Variants in DMRT1 observed in about 807,000 individuals in gnomAD.
DMRT1 encodes the protein doublesex and mab-3 related transcription factor 1, also known as doublesex- and mab-3-related transcription factor 1.
DMRT1 carries 7 observed loss-of-function variants against 32.3 expected under a neutral mutation model. The observed-to-expected ratio is 0.22, with a 90% confidence interval of 0.12 to 0.41. The LOEUF is 0.41. Among genes scored for constraint, DMRT1 ranks in the 10% least tolerant of loss-of-function variants. The pLI is 1.00. For synonymous variants in DMRT1, 278 were observed against 206.1 expected (o/e 1.35, Z -2.99); for missense variants, 625 against 500.5 (o/e 1.25, Z -2.37).
intron 3 of DMRT1, among the ~76,000 whole-genome samples, chr9:905,067 C>T (rs928150321): frequency 2.6e-5 from 4 of 152,160 alleles, no homozygotes; most frequent in African/African-American, 9.7e-5. Flanking sequence ...AGGGTGGGGA[C>T]AAGTGTTTGA....
At chr9:904,871 G>A (rs776732953) in intron 3 of DMRT1, among the ~76,000 whole-genome samples, 1 of 152,052 alleles carries the variant, frequency 6.6e-6, no homozygotes, top group East Asian at 1.9e-4. Context: ...GGACCAGGGA[G>A]GCGTAGGTTG....
chr9:846,875 G>C, intron 1 of DMRT1, 85 bp from the exon 2 acceptor site: 1 of 1,507,312 alleles, frequency 6.6e-7, no homozygotes. Context: ...AGTGAATCAT[G>C]GTGTCTGGGA....
intron 2 of DMRT1, among the ~76,000 whole-genome samples, chr9:864,832 C>G (rs1815906108): frequency 6.6e-6 from 1 of 151,376 alleles, no homozygotes; most frequent in Admixed American, 6.6e-5. Context: ...TTCCTCAGTT[C>G]AATTTTAGCT....
At position 894,156 on chromosome 9, in the gene DMRT1, C is replaced by G. The variant is rs34946058; in HGVS notation, c.783C>G (p.Pro261=). 5.7e-3 allele frequency: 9,255 copies of G among 1,614,038 alleles called. 40 individuals carry two copies. Among genetic ancestry groups the G allele is most frequent in the Non-Finnish European group, 6.1e-3 (7,141 of 1,180,044 alleles). ...SPVKNSLRGL[P]GPYVPGQTGN... ...TGAAGAACAGCCTTCGGGGCCTCCC[C>G]GGACCTTATGTGCCTGGTCAGACAG... is the stretch of plus-strand genomic sequence containing the variant. The change falls in exon 3 of 5, where the codon CCC becomes CCG. Residue 261 remains proline, a synonymous_variant. Coordinates refer to ENST00000382276, the MANE Select transcript of DMRT1 (RefSeq NM_021951.3).
intron 4 of DMRT1, among the ~76,000 whole-genome samples, chr9:932,879 G>C (rs1292016820): frequency 1.3e-5 from 2 of 151,922 alleles, no homozygotes; most frequent in African/African-American, 4.8e-5. Context: ...ATGTGCATGG[G>C]GCGCGGTATC....
chr9:848,552 CTTTTT>C, intron 2 of DMRT1, among the ~76,000 whole-genome samples: 1 of 97,030 alleles, frequency 1.0e-5, no homozygotes, highest in Non-Finnish European at 2.1e-5. Flanking sequence ...TGTTTCCTTT[CTTTTT>C]TTTTTTTTTT....
chr9:935,041 C>G (rs1818842099), intron 4 of DMRT1, among the ~76,000 whole-genome samples: 1 of 152,124 alleles, frequency 6.6e-6, no homozygotes, highest in Non-Finnish European at 1.5e-5. Flanking sequence ...AGGGAATCCT[C>G]CAAAATCATT....
chr9:859,496 G>A (rs1489671323), intron 2 of DMRT1, among the ~76,000 whole-genome samples: 1 of 152,114 alleles, frequency 6.6e-6, no homozygotes, highest in Non-Finnish European at 1.5e-5. Context: ...CCCTTTTGCG[G>A]TTGTCAAAAG....
At chr9:859,648 T>C (rs374475139) in intron 2 of DMRT1, among the ~76,000 whole-genome samples, 15 of 152,372 alleles carry the variant, frequency 9.8e-5, no homozygotes, top group Admixed American at 7.8e-4. Context: ...TGAACCAAAT[T>C]ACACTTCAAA....
At chr9:936,136 C>T (rs1440831237) in intron 4 of DMRT1, among the ~76,000 whole-genome samples, 1 of 152,170 alleles carries the variant, frequency 6.6e-6, no homozygotes, top group Non-Finnish European at 1.5e-5. Flanking sequence ...TTGTAAAATA[C>T]ATTTCTCTCT....
At chr9:858,545 C>G (rs1370754109) in intron 2 of DMRT1, among the ~76,000 whole-genome samples, 3 of 151,990 alleles carry the variant, frequency 2.0e-5, no homozygotes, top group South Asian at 4.1e-4. Context: ...TTTAAAAACT[C>G]TCTTTTATTG....
chr9:930,130 T>C (rs1007844410), intron 4 of DMRT1, among the ~76,000 whole-genome samples: 21 of 152,198 alleles, frequency 1.4e-4, no homozygotes, highest in African/African-American at 4.1e-4. Flanking sequence ...TCTTGATAAA[T>C]GCTCCAAATA....
Position 876,031 on chromosome 9 carries a change from A to C in DMRT1, c.539-17881A>C, listed in dbSNP as rs576695419. On this transcript the variant is annotated intron_variant, in intron 2 of 4. Coordinates refer to ENST00000382276, the MANE Select transcript of DMRT1 (RefSeq NM_021951.3). ...ACACTGGGGATGCTGGAGTTGACAC[A>C]GTATGGCATGCTTTGCTGCACCCTT... Among the ~76,000 whole-genome samples, 10 of 152,278 alleles carry C rather than the reference A, an allele frequency of 6.6e-5. No individual in the cohort carries two copies. The South Asian group carries it at 1.4e-3, about 22-fold the overall frequency.
intron 2 of DMRT1, among the ~76,000 whole-genome samples, chr9:886,667 A>G (rs1365851582): frequency 6.6e-6 from 1 of 152,088 alleles, no homozygotes; most frequent in East Asian, 1.9e-4. Flanking sequence ...TGAAAACTTT[A>G]TGTATATATA....
At chr9:857,872 T>C (rs904987442) in intron 2 of DMRT1, among the ~76,000 whole-genome samples, 7 of 147,074 alleles carry the variant, frequency 4.8e-5, no homozygotes, top group African/African-American at 1.5e-4. Flanking sequence ...TGAGAACATG[T>C]GGTGGTTGGT....
intron 3 of DMRT1, among the ~76,000 whole-genome samples, chr9:912,228 A>C (rs1457255583): frequency 2.0e-5 from 3 of 152,210 alleles, no homozygotes; most frequent in African/African-American, 7.2e-5. Flanking sequence ...AGATTGGGGC[A>C]ACCGCCCCCA....
chr9:943,957 T>TG (rs1233703992), intron 4 of DMRT1, among the ~76,000 whole-genome samples: 5 of 152,168 alleles, frequency 3.3e-5, no homozygotes, highest in Non-Finnish European at 5.9e-5. Context: ...TTTCTTGGAG[T>TG]GGGGCAGCAT....
intron 4 of DMRT1, among the ~76,000 whole-genome samples, chr9:945,835 G>A (rs1819225165): frequency 6.6e-6 from 1 of 151,318 alleles, no homozygotes; most frequent in Non-Finnish European, 1.5e-5. Flanking sequence ...TGCCTCAAGA[G>A]CTAAACTCTT....
At chr9:923,700 T>C (rs1464002531) in intron 4 of DMRT1, among the ~76,000 whole-genome samples, 1 of 152,148 alleles carries the variant, frequency 6.6e-6, no homozygotes, top group African/African-American at 2.4e-5. Context: ...CTGCGTTTGT[T>C]ATGTATGCAT....
Sources: gnomAD v4.1 joint callset for allele counts (sites outside exome capture counted in the v4.1 genomes callset) on GRCh38, gnomAD v4.1.1 for gene constraint, MANE v1.5 for transcripts, NCBI Gene and HGNC (gene_info 2026-07-23, HGNC 2026-07-21) for gene names.